MATCAP1: variants seen among roughly 807,000 people sequenced by gnomAD.
The protein encoded by MATCAP1 is microtubule-associated tyrosine carboxypeptidase 1.
the MATCAP1 span, among the ~76,000 whole-genome samples, chr16:67,177,306 G>A: frequency 1.3e-5 from 2 of 152,152 alleles, no homozygotes; most frequent in Non-Finnish European, 2.9e-5. Context: ...ATGTCCAAAA[G>A]TCAACTCCTG....
At chr16:67,180,282 C>T in the MATCAP1 span, 5 of 1,612,564 alleles carry the variant, frequency 3.1e-6, no homozygotes, top group South Asian at 5.5e-5. Flanking sequence ...CAGGGTGCCC[C>T]CACCTGGGTT....
At chr16:67,178,486 C>T in the MATCAP1 span, 1 of 1,529,578 alleles carries the variant, frequency 6.5e-7, no homozygotes, top group Non-Finnish European at 8.7e-7. Flanking sequence ...GTTGTTCACG[C>T]CCCGCAGGTA....
chr16:67,176,796 A>G, the MATCAP1 span: 1 of 1,556,084 alleles, frequency 6.4e-7, no homozygotes, highest in African/African-American at 1.4e-5. The surrounding 1 kb of genome is among the most constrained non-coding windows in gnomAD (Gnocchi z 4.3). Context: ...CTCTGACTGC[A>G]GCCCTCAACG....
the MATCAP1 span, chr16:67,180,246 A>AC: frequency 6.2e-7 from 1 of 1,613,664 alleles, no homozygotes. Context: ...AGTCTTAGCA[A>AC]TGTGAGGCAG....
At chr16:67,179,025 T>C in the MATCAP1 span, 11 of 959,156 alleles carry the variant, frequency 1.1e-5, no homozygotes, top group Non-Finnish European at 1.5e-5. This position sits in a 1 kb window ranked among gnomAD's most constrained non-coding sequence, Gnocchi z 5.2. Context: ...CCAGGTGCCA[T>C]GTGTCCTCAA....
the MATCAP1 span, chr16:67,178,967 G>C: frequency 2.4e-6 from 1 of 420,220 alleles, no homozygotes; most frequent in Admixed American, 3.8e-5. Flanking sequence ...AGGAATAGTG[G>C]TTAGTGCCCT....
the MATCAP1 span, among the ~76,000 whole-genome samples, chr16:67,177,667 C>A: frequency 1.3e-5 from 2 of 152,232 alleles, no homozygotes; most frequent in South Asian, 2.1e-4. Context: ...CCCGTTGCTT[C>A]AGATGAAATC....
chr16:67,178,241 AG>A, the MATCAP1 span: 1 of 1,554,882 alleles, frequency 6.4e-7, no homozygotes. Flanking sequence ...GCGCGCACGC[AG>A]TACTCCCAGC....
the MATCAP1 span, chr16:67,180,635 C>T: frequency 5.9e-5 from 88 of 1,481,370 alleles, no homozygotes; most frequent in Middle Eastern, 3.6e-4. Context: ...CACATCCAGC[C>T]GGGTCACTCC....
chr16:67,177,875 C>T, the MATCAP1 span: 1 of 719,974 alleles, frequency 1.4e-6, no homozygotes, highest in Non-Finnish European at 2.4e-6. Flanking sequence ...CTCCTGTTCT[C>T]ACTTCCACCC....
the MATCAP1 span, chr16:67,179,513 A>C: frequency 6.2e-7 from 1 of 1,613,164 alleles, no homozygotes; most frequent in Non-Finnish European, 8.5e-7. This position sits in a 1 kb window ranked among gnomAD's most constrained non-coding sequence, Gnocchi z 5.2. Flanking sequence ...GCTGTTCTCC[A>C]CCATCATCAC....
chr16:67,181,937 G>A, the MATCAP1 span, among the ~76,000 whole-genome samples: 1 of 152,172 alleles, frequency 6.6e-6, no homozygotes, highest in African/African-American at 2.4e-5. Flanking sequence ...ATATTGATCA[G>A]CACCCGATAC....
the MATCAP1 span, chr16:67,178,576 C>T: frequency 7.5e-7 from 1 of 1,342,264 alleles, no homozygotes; most frequent in Non-Finnish European, 1.0e-6. Context: ...CAGCCCTGGC[C>T]CTGTTCCATC....
chr16:67,181,881 T>C, the MATCAP1 span, among the ~76,000 whole-genome samples: 1 of 152,132 alleles, frequency 6.6e-6, no homozygotes, highest in Admixed American at 6.6e-5. Flanking sequence ...CAGCACTCCA[T>C]CCAAATTGAT....
the MATCAP1 span, chr16:67,180,626 A>G: frequency 2.0e-6 from 3 of 1,500,082 alleles, no homozygotes; most frequent in Non-Finnish European, 1.8e-6. Flanking sequence ...CCTGGGGGTC[A>G]CATCCAGCCG....
chr16:67,180,394 G>C, the MATCAP1 span: 2 of 1,612,822 alleles, frequency 1.2e-6, no homozygotes, highest in African/African-American at 1.3e-5. Context: ...TGGCCACGGT[G>C]GCCCAGGAGC....
At chr16:67,177,052 C>T in the MATCAP1 span, 10 of 1,327,566 alleles carry the variant, frequency 7.5e-6, no homozygotes, top group African/African-American at 9.1e-5. Flanking sequence ...CCACTGCTTA[C>T]AGCTCACAGC....
At chr16:67,180,815 T>C in the MATCAP1 span, 1 of 427,718 alleles carries the variant, frequency 2.3e-6, no homozygotes, top group South Asian at 8.3e-5. Flanking sequence ...GTCCATTGCC[T>C]CCAGCAGACT....
the MATCAP1 span, chr16:67,178,393 C>G: frequency 6.5e-7 from 1 of 1,549,896 alleles, no homozygotes; most frequent in Non-Finnish European, 8.7e-7. Context: ...GCTGTGCAGG[C>G]TGGCCAGGCC....
Sources: allele counts gnomAD v4.1 joint callset (sites outside exome capture counted in the v4.1 genomes callset), GRCh38; gene constraint gnomAD v4.1.1; non-coding constraint Gnocchi (gnomAD v3.1); transcripts MANE v1.5; gene names NCBI Gene and HGNC (gene_info 2026-07-23, HGNC 2026-07-21).